Variants in PIAS4 observed in about 807,000 individuals in gnomAD.
The protein encoded by PIAS4 is protein inhibitor of activated STAT 4, also known as E3 SUMO-protein ligase PIAS4.
Under a neutral mutation model 58.0 loss-of-function variants are expected in PIAS4, and 7 were observed. That is an observed-to-expected ratio of 0.12 (90% confidence interval 0.07 to 0.23). The LOEUF (loss-of-function observed/expected upper bound fraction) is 0.23. Among genes scored for constraint, PIAS4 ranks in the 10% least tolerant of loss-of-function variants. The probability of loss-of-function intolerance (pLI) is 1.00; values close to 1 mark genes in which losing one functional copy is unlikely to be tolerated. For missense variants in PIAS4, 550 were observed against 709.5 expected (o/e 0.78, Z 2.55); for synonymous variants, 364 against 312.4 (o/e 1.17, Z -1.74).
intron 1 of PIAS4, 137 bp downstream of exon 1, chr19:4,007,924 C>A (rs1033315087): frequency 7.4e-6 from 4 of 543,674 alleles, no homozygotes; most frequent in Admixed American, 4.8e-5. Flanking sequence ...GCCCCCAGAC[C>A]CCGACCCCCG....
At chr19:4,025,062 C>T (rs113519482) in intron 3 of PIAS4, among the ~76,000 whole-genome samples, 3,031 of 152,330 alleles carry the variant, frequency 0.02, 86 homozygotes, top group African/African-American at 0.066. Flanking sequence ...CTGCGCCTGG[C>T]GGAAGTCAGG....
intron 2 of PIAS4, among the ~76,000 whole-genome samples, chr19:4,020,068 C>T (rs918652934): frequency 5.3e-5 from 8 of 152,132 alleles, no homozygotes; most frequent in Non-Finnish European, 5.9e-5. Context: ...AGGCGCCTGC[C>T]ACCACGCCCG....
At chr19:4,029,786 A>G (rs72976960) in intron 7 of PIAS4, among the ~76,000 whole-genome samples, 17,812 of 144,092 alleles carry the variant, frequency 0.12, 1,382 homozygotes, top group Non-Finnish European at 0.17. Flanking sequence ...TTGGGACCAC[A>G]TGTGTTCACC....
At chr19:4,033,693 C>T (rs2040247402) in intron 9 of PIAS4, 113 bp downstream of exon 9, 3 of 882,406 alleles carry the variant, frequency 3.4e-6, no homozygotes, top group South Asian at 3.3e-5. Flanking sequence ...GCAGTGGGGG[C>T]ACATGGTCCT....
At position 4,037,580 on chromosome 19, in the gene PIAS4, T is replaced by C; in HGVS notation, c.1274-36T>C. 6.2e-7 allele frequency: 1 copy of C among 1,607,614 alleles called. No individual in the cohort carries two copies. Among genetic ancestry groups the C allele is most frequent in the Non-Finnish European group, 8.5e-7 (1 of 1,179,736 alleles). ...GTTTCCCCATTTATCAGTGGTTGCA[T>C]CCTAAGTACCTGCACCCTGTCCCTG... On this transcript the variant is annotated intron_variant, in intron 10 of 10. Coordinates refer to ENST00000262971, the MANE Select transcript of PIAS4 (RefSeq NM_015897.4). This position sits in a 1 kb window ranked among gnomAD's most constrained non-coding sequence, Gnocchi z 5.8.
chr19:4,033,388 G>A, intron 8 of PIAS4, 32 bp from the exon 9 acceptor site: 1 of 1,538,330 alleles, frequency 6.5e-7, no homozygotes, highest in Non-Finnish European at 8.8e-7. Flanking sequence ...CAACAGGAGG[G>A]GTGCCCTGCT....
At chr19:4,029,243 T>C (rs113008804) in intron 7 of PIAS4, among the ~76,000 whole-genome samples, 1 of 152,134 alleles carries the variant, frequency 6.6e-6, no homozygotes, top group African/African-American at 2.4e-5. Context: ...TGGGAGCTGC[T>C]GTGCGGAGGC....
intron 1 of PIAS4, 39 bp from the exon 2 acceptor site, chr19:4,012,883 GC>G (rs1568212039): frequency 6.4e-7 from 1 of 1,572,554 alleles, no homozygotes; most frequent in Non-Finnish European, 8.7e-7. Flanking sequence ...CTGCCTCGCA[GC>G]TGTGTCCTCT....
intron 2 of PIAS4, among the ~76,000 whole-genome samples, chr19:4,019,579 G>A (rs763524727): frequency 8.5e-5 from 13 of 152,184 alleles, no homozygotes; most frequent in Non-Finnish European, 1.9e-4. Flanking sequence ...GCCCAGCTCA[G>A]GTGTAGGCTC....
At chr19:4,019,928 T>C (rs1371612910) in intron 2 of PIAS4, among the ~76,000 whole-genome samples, 5 of 151,388 alleles carry the variant, frequency 3.3e-5, no homozygotes, top group Admixed American at 2.0e-4. Context: ...TTTTCTTTTT[T>C]TTTTTTTTGA....
In PIAS4 at chr19:4,038,020, C is replaced by A; in HGVS notation, c.*145C>A. On this transcript the variant is annotated 3_prime_UTR_variant, in exon 11 of 11. Coordinates refer to ENST00000262971, the MANE Select transcript of PIAS4 (RefSeq NM_015897.4). The surrounding 1 kb of genome is among the most constrained non-coding windows in gnomAD (Gnocchi z 4.1). ...CACCCTTTTGCCTGGCTCCTGGCAC[C>A]TGTACCTCTGGACTCTCCTATCGGG... 6.6e-6 allele frequency: 5 copies of A among 753,398 alleles called. No homozygotes were observed. The highest frequency in any genetic ancestry group is 1.1e-5 in the Non-Finnish European group (5 of 471,624). 46.7% of individuals were successfully genotyped at this position (753,398 alleles called of 1,614,324 possible).
intron 4 of PIAS4, 45 bp downstream of exon 4, chr19:4,028,232 A>G (rs753335912): frequency 5.0e-5 from 48 of 961,216 alleles, no homozygotes; most frequent in African/African-American, 6.7e-5. Flanking sequence ...ACCCCCAGCC[A>G]CCCGCCCCTC....
intron 9 of PIAS4, among the ~76,000 whole-genome samples, chr19:4,034,287 C>G (rs2040254088): frequency 6.7e-6 from 1 of 148,380 alleles, no homozygotes; most frequent in African/African-American, 2.4e-5. Context: ...GGCCGGGTCC[C>G]CAGCCCTCAG....
intron 2 of PIAS4, among the ~76,000 whole-genome samples, chr19:4,015,627 A>G (rs986088824): frequency 4.9e-4 from 74 of 152,120 alleles, no homozygotes; most frequent in Admixed American, 4.3e-3. Flanking sequence ...CCATGGTTTT[A>G]GGACCTGAGA....
At chr19:4,032,252 T>C (rs1234738609) in intron 7 of PIAS4, among the ~76,000 whole-genome samples, 1 of 152,066 alleles carries the variant, frequency 6.6e-6, no homozygotes, top group Non-Finnish European at 1.5e-5. Flanking sequence ...CCAAGTCACT[T>C]GGGCAGGTGG....
At chr19:4,024,725 T>G (rs1047087571) in intron 3 of PIAS4, among the ~76,000 whole-genome samples, 3 of 151,946 alleles carry the variant, frequency 2.0e-5, no homozygotes, top group African/African-American at 7.3e-5. Context: ...TATTCTGGTG[T>G]CCAGCATGAG....
chr19:4,037,635 G>T lies in PIAS4; in HGVS notation c.1293G>T (p.Gly431=), dbSNP rs774964473. The T allele has an allele frequency of 2.3e-5, 37 of 1,611,128 alleles. No individual in the cohort carries two copies. The South Asian group carries it at 3.8e-4, about 17-fold the overall frequency. ...ILVLGPSDAN[G]LLPAPSVNGS... is the part of the protein sequence containing the mutation. ...CCGTAGGCCCCTCGGACGCCAATGG[G>T]CTCCTGCCCGCCCCCAGCGTCAACG... is the stretch of plus-strand genomic sequence containing the variant. Residue 431 remains glycine (G), a synonymous_variant, in exon 11 of 11, where the codon GGG becomes GGT. Coordinates refer to ENST00000262971, the MANE Select transcript of PIAS4 (RefSeq NM_015897.4). The surrounding 1 kb of genome is among the most constrained non-coding windows in gnomAD (Gnocchi z 5.8).
At chr19:4,011,548 G>A (rs1170541622) in intron 1 of PIAS4, among the ~76,000 whole-genome samples, 3 of 152,236 alleles carry the variant, frequency 2.0e-5, no homozygotes, top group Non-Finnish European at 4.4e-5. Context: ...CTCATTTGTC[G>A]CTTTGACCCA....
chr19:4,011,566 C>G (rs2144904279), intron 1 of PIAS4, among the ~76,000 whole-genome samples: 1 of 152,384 alleles, frequency 6.6e-6, no homozygotes, highest in African/African-American at 2.4e-5. Flanking sequence ...CCAGGTCCTG[C>G]AACAGCCCCT....
Sources: gnomAD v4.1 joint callset for allele counts (sites outside exome capture counted in the v4.1 genomes callset) on GRCh38, gnomAD v4.1.1 for gene constraint, Gnocchi (gnomAD v3.1) non-coding constraint, MANE v1.5 for transcripts, NCBI Gene and HGNC (gene_info 2026-07-23, HGNC 2026-07-21) for gene names.